SHROOM3: variants seen among roughly 807,000 people sequenced by gnomAD.
The protein encoded by SHROOM3 is protein Shroom3.
In SHROOM3, 47 loss-of-function variants were observed where a neutral mutation model predicts 138.6. The observed-to-expected ratio is 0.34, with a 90% CI of 0.27 to 0.43. The LOEUF (loss-of-function observed/expected upper bound fraction) is 0.43, where lower values mean the gene tolerates loss of function less well. SHROOM3 is among the 20% of genes least tolerant of loss of function. The pLI, the probability that SHROOM3 is intolerant of heterozygous loss-of-function variation, is 1.00. For missense variants in SHROOM3, 2,491 were observed against 2,596.5 expected, an observed-to-expected ratio of 0.96 and a Z score of 0.88; for synonymous variants, 1,062 against 1,063.3, an observed-to-expected ratio of 1.00 and a Z score of 0.02.
intron 2 of SHROOM3, among the ~76,000 whole-genome samples, chr4:76,618,781 T>TAACAAAACA (rs1577922953): frequency 6.6e-6 from 1 of 152,248 alleles, no homozygotes; most frequent in East Asian, 1.9e-4. Context: ...ATTTCTGTTT[T>TAACAAAACA]GTTAGTTGAC....
At chr4:76,530,873 T>A (rs1279805061) in intron 1 of SHROOM3, among the ~76,000 whole-genome samples, 1 of 152,190 alleles carries the variant, frequency 6.6e-6, no homozygotes, top group Non-Finnish European at 1.5e-5. Context: ...AATGGGTGTT[T>A]GGAGGAATAT....
chr4:76,517,472 G>T (rs552552666), intron 1 of SHROOM3, among the ~76,000 whole-genome samples: 16 of 152,292 alleles, frequency 1.1e-4, no homozygotes, highest in Non-Finnish European at 2.2e-4. Context: ...GTCTGACCAG[G>T]TAGTTTCACA....
intron 4 of SHROOM3, among the ~76,000 whole-genome samples, chr4:76,736,333 A>G (rs1721071826): frequency 6.6e-6 from 1 of 152,082 alleles, no homozygotes; most frequent in Admixed American, 6.6e-5. Flanking sequence ...TCTCCCTTGA[A>G]TTTATACCTA....
intron 1 of SHROOM3, among the ~76,000 whole-genome samples, chr4:76,486,421 G>C (rs971099418): frequency 6.6e-6 from 1 of 152,196 alleles, no homozygotes; most frequent in Non-Finnish European, 1.5e-5. Flanking sequence ...TGATCATGAA[G>C]CTTTACCTTG....
chr4:76,765,388 C>T (rs907573691), intron 9 of SHROOM3, among the ~76,000 whole-genome samples: 2 of 150,882 alleles, frequency 1.3e-5, no homozygotes, highest in Non-Finnish European at 2.9e-5. Context: ...TGTGGTAATG[C>T]GTGCCTGTAA....
rs573786896 is a variant in SHROOM3, at chr4:76,741,822, G to A, written c.3649G>A (p.Gly1217Arg). The change falls in exon 5 of 11, where the codon GGG becomes AGG. Residue 1217 changes from glycine to arginine, a missense_variant. Coordinates refer to ENST00000296043, the MANE Select transcript of SHROOM3 (RefSeq NM_020859.4). This position sits in a 1 kb window ranked among gnomAD's most constrained non-coding sequence, Gnocchi z 6.2. ...REPSSWGARA[G>R]KSMSAEDLLE... ...GCCATCCTCCTGGGGGGCCAGGGCCGGGAAGTCCATGTCGGCCGAGGACCT... is the reference window on the plus strand; with the variant it reads ...GCCATCCTCCTGGGGGGCCAGGGCCAGGAAGTCCATGTCGGCCGAGGACCT... The A allele has an allele frequency of 3.8e-5, 61 of 1,593,308 alleles. No homozygotes were observed. Among genetic ancestry groups the A allele is most frequent in the Non-Finnish European group, 5.0e-5 (58 of 1,170,696 alleles).
At chr4:76,707,874 G>A (rs1047739345) in intron 2 of SHROOM3, among the ~76,000 whole-genome samples, 2 of 151,996 alleles carry the variant, frequency 1.3e-5, no homozygotes, top group Non-Finnish European at 2.9e-5. Flanking sequence ...GGTGTGCTTG[G>A]TGTGCTGGTG....
chr4:76,603,111 T>C (rs896054986), intron 2 of SHROOM3, among the ~76,000 whole-genome samples: 6 of 152,150 alleles, frequency 3.9e-5, no homozygotes, highest in Non-Finnish European at 7.4e-5. Context: ...TTCCTGGAGA[T>C]AGTTATCTTT....
chr4:76,538,631 A>G (rs1434079257), intron 1 of SHROOM3, among the ~76,000 whole-genome samples: 1 of 152,272 alleles, frequency 6.6e-6, no homozygotes, highest in East Asian at 1.9e-4. Context: ...AAATGTTCTG[A>G]AATTTGAATA....
chr4:76,670,445 G>A (rs910318934), intron 2 of SHROOM3, among the ~76,000 whole-genome samples: 2 of 152,076 alleles, frequency 1.3e-5, no homozygotes, highest in Non-Finnish European at 2.9e-5. Flanking sequence ...GTGGGAGCAG[G>A]GATTGGGCAT....
intron 1 of SHROOM3, among the ~76,000 whole-genome samples, chr4:76,471,614 TA>T (rs1202288187): frequency 1.3e-5 from 2 of 152,180 alleles, no homozygotes; most frequent in African/African-American, 4.8e-5. Context: ...TTTGGAATGT[TA>T]CTCAAAGTGG....
At chr4:76,602,317 A>G (rs1734523123) in intron 2 of SHROOM3, among the ~76,000 whole-genome samples, 1 of 152,210 alleles carries the variant, frequency 6.6e-6, no homozygotes, top group Non-Finnish European at 1.5e-5. Flanking sequence ...CACCTACAGG[A>G]AAAAGAAATG....
chr4:76,739,381 C>T lies in SHROOM3; in HGVS notation c.1208C>T (p.Ser403Phe). The stretch of plus-strand genomic sequence containing the variant: ...TTTCGGCACCGTGAGCGGCCCAGCT[C>T]CTGGTCTAGCCTTGATCAGAAACGG... The part of the protein sequence containing the change: ...AAFRHRERPS[S>F]WSSLDQKRLC... Residue 403 changes from serine (S) to phenylalanine (F), a missense_variant, in exon 5 of 11, where the codon TCC becomes TTC. Around this residue, in one of 4 missense-constraint regions of SHROOM3, gnomAD observed 1,733 missense variants for 1,661.6 expected, o/e 1.04. Transcript: ENST00000296043. 1.9e-6 allele frequency: 3 copies of T among 1,614,154 alleles called. No individual in the cohort carries two copies. The highest frequency in any genetic ancestry group is 2.5e-6 in the Non-Finnish European group (3 of 1,180,056).
chr4:76,616,109 A>G (rs1027135137), intron 2 of SHROOM3, among the ~76,000 whole-genome samples: 5 of 152,126 alleles, frequency 3.3e-5, no homozygotes, highest in African/African-American at 4.8e-5. Context: ...CTTTGAAAAT[A>G]AAAAAGGCCT....
At chr4:76,562,413 G>C (rs1733617608) in intron 2 of SHROOM3, among the ~76,000 whole-genome samples, 1 of 152,202 alleles carries the variant, frequency 6.6e-6, no homozygotes, top group African/African-American at 2.4e-5. Flanking sequence ...CTCAGTGTCA[G>C]ATTTCTGTGA....
intron 3 of SHROOM3, among the ~76,000 whole-genome samples, chr4:76,721,219 G>A (rs962646984): frequency 6.6e-6 from 1 of 151,176 alleles, no homozygotes; most frequent in African/African-American, 2.4e-5. Context: ...GCTGAGGCAG[G>A]AGAATGGCGT....
intron 1 of SHROOM3, among the ~76,000 whole-genome samples, chr4:76,551,886 G>C (rs1403098120): frequency 6.6e-6 from 1 of 151,400 alleles, no homozygotes; most frequent in Non-Finnish European, 1.5e-5. Context: ...TTTTGAGACA[G>C]AGTCTCGCTC....
chr4:76,614,529 T>C (rs920835258), intron 2 of SHROOM3, among the ~76,000 whole-genome samples: 1 of 152,180 alleles, frequency 6.6e-6, no homozygotes, highest in African/African-American at 2.4e-5. Context: ...ATGTGCAGGT[T>C]TGTTACATAG....
chr4:76,495,776 A>T (rs982349219), intron 1 of SHROOM3, among the ~76,000 whole-genome samples: 4 of 152,202 alleles, frequency 2.6e-5, no homozygotes, highest in Admixed American at 2.6e-4. Flanking sequence ...GCAGTGTCTG[A>T]TATCAACTTA....
Sources: gnomAD v4.1 joint callset for allele counts (sites outside exome capture counted in the v4.1 genomes callset) on GRCh38, gnomAD v4.1.1 for gene constraint, gnomAD v4.1.1 regional missense constraint, Gnocchi (gnomAD v3.1) non-coding constraint, MANE v1.5 for transcripts, NCBI Gene and HGNC (gene_info 2026-07-23, HGNC 2026-07-21) for gene names.